NUP210: variants seen among roughly 807,000 people sequenced by gnomAD.
NUP210 encodes the protein nucleoporin 210.
NUP210 carries 151 observed loss-of-function variants against 196.0 expected under a neutral mutation model. That is an observed-to-expected ratio of 0.77 (90% CI 0.67 to 0.88). The LOEUF is 0.88. NUP210 is among the 40% of genes least tolerant of loss of function. The pLI, the probability that NUP210 is intolerant of heterozygous loss-of-function variation, is 0.00. For synonymous variants in NUP210, 1,070 were observed against 1,052.7 expected, an observed-to-expected ratio of 1.02 and a Z score of -0.32; for missense variants, 2,314 against 2,493.7, an observed-to-expected ratio of 0.93 and a Z score of 1.53.
intron 26 of NUP210, 150 bp downstream of exon 26, chr3:13,337,687 G>T (rs1024188729): frequency 2.7e-5 from 19 of 693,380 alleles, no homozygotes; most frequent in Non-Finnish European, 4.7e-5. Context: ...GCAATGGAGG[G>T]TGTCTCCCTG....
Sources: allele counts gnomAD v4.1 joint callset, GRCh38; gene constraint gnomAD v4.1.1; transcripts MANE v1.5; gene names NCBI Gene and HGNC (gene_info 2026-07-23, HGNC 2026-07-21).